The following USH2A variants were observed in gnomAD, a reference collection of about 807,000 sequenced individuals.
The protein encoded by USH2A is usherin.
In USH2A, 443 loss-of-function variants were observed where a neutral mutation model predicts 538.9. The ratio of observed to expected loss-of-function variants is 0.82; its 90% CI spans 0.76 to 0.89. The LOEUF is 0.89. Among genes scored for constraint, USH2A ranks in the 40% least tolerant of loss-of-function variants. The pLI is 0.00. For missense variants in USH2A, 6,633 were observed against 6,324.8 expected (o/e 1.05, Z -1.65); for synonymous variants, 2,413 against 2,273.5 (o/e 1.06, Z -1.75).
At chr1:216,282,223 A>G (rs1002508516) in intron 11 of USH2A, among the ~76,000 whole-genome samples, 4 of 152,086 alleles carry the variant, frequency 2.6e-5, no homozygotes, top group African/African-American at 9.7e-5. Context: ...TGAAATATTA[A>G]TTCTAATGAA....
chr1:216,367,426 T>C (rs543834499), intron 3 of USH2A, among the ~76,000 whole-genome samples: 1 of 152,300 alleles, frequency 6.6e-6, no homozygotes, highest in South Asian at 2.1e-4. Context: ...AATAAAAATG[T>C]TGTCTTTTAC....
chr1:216,294,752 C>T (rs557783218), intron 9 of USH2A, among the ~76,000 whole-genome samples: 15 of 151,950 alleles, frequency 9.9e-5, no homozygotes, highest in African/African-American at 3.6e-4. Context: ...TATATCTTCA[C>T]TATTTTGATT....
chr1:215,843,631 C>A (rs944318721), intron 46 of USH2A, among the ~76,000 whole-genome samples: 1 of 152,114 alleles, frequency 6.6e-6, no homozygotes, highest in Non-Finnish European at 1.5e-5. Flanking sequence ...TCAAAGAAGT[C>A]CAAGGGCAAA....
intron 3 of USH2A, among the ~76,000 whole-genome samples, chr1:216,406,397 C>T (rs2039394709): frequency 6.6e-6 from 1 of 152,022 alleles, no homozygotes; most frequent in Admixed American, 6.6e-5. Context: ...ATGTTTATGC[C>T]ACAGATTATG....
chr1:215,690,477 T>C (rs566438440), intron 61 of USH2A, among the ~76,000 whole-genome samples: 25 of 152,288 alleles, frequency 1.6e-4, no homozygotes, highest in African/African-American at 5.8e-4. Flanking sequence ...GTCCCAGCTA[T>C]TTGGAAGGCT....
chr1:216,375,968 A>G (rs990711221), intron 3 of USH2A, among the ~76,000 whole-genome samples: 5 of 152,130 alleles, frequency 3.3e-5, no homozygotes, highest in Non-Finnish European at 7.3e-5. Context: ...CACACACAAC[A>G]TTTATTGGTT....
At chr1:216,254,818 A>G (rs1300979774) in intron 11 of USH2A, among the ~76,000 whole-genome samples, 2 of 152,214 alleles carry the variant, frequency 1.3e-5, no homozygotes, top group Non-Finnish European at 2.9e-5. Context: ...AAGCCAGTGC[A>G]CACCAGCACT....
At chr1:215,924,502 G>T (rs982385372) in intron 38 of USH2A, among the ~76,000 whole-genome samples, 2 of 151,838 alleles carry the variant, frequency 1.3e-5, no homozygotes, top group African/African-American at 4.8e-5. Context: ...TGAGGAACAA[G>T]ATATTATTTT....
intron 40 of USH2A, 56 bp from the exon 41 acceptor site, chr1:215,889,110 C>T: frequency 1.3e-6 from 2 of 1,596,210 alleles, no homozygotes; most frequent in African/African-American, 1.3e-5. Context: ...CCCACCTCTC[C>T]TCAAAGCTAA....
chr1:216,139,591 A>G (rs1201757102), intron 21 of USH2A, among the ~76,000 whole-genome samples: 2 of 152,224 alleles, frequency 1.3e-5, no homozygotes, highest in African/African-American at 4.8e-5. Flanking sequence ...AGCCTGAATT[A>G]GAATAGACCA....
intron 3 of USH2A, among the ~76,000 whole-genome samples, chr1:216,368,054 A>G (rs1320379554): frequency 6.6e-6 from 1 of 152,174 alleles, no homozygotes; most frequent in Non-Finnish European, 1.5e-5. Flanking sequence ...CCTTCATAAG[A>G]GATCCGAAAA....
chr1:216,413,676 C>A (rs988964845), intron 3 of USH2A, among the ~76,000 whole-genome samples: 1 of 151,978 alleles, frequency 6.6e-6, no homozygotes, highest in Non-Finnish European at 1.5e-5. Flanking sequence ...CTTTTTCACA[C>A]TATTGTAGCT....
intron 43 of USH2A, among the ~76,000 whole-genome samples, chr1:215,869,119 T>C (rs778819676): frequency 6.6e-6 from 1 of 152,314 alleles, no homozygotes; most frequent in East Asian, 1.9e-4. Flanking sequence ...ACCCATTCAT[T>C]CCTCACAAAA....
chr1:215,747,879 T>C (rs1386735584), intron 58 of USH2A, among the ~76,000 whole-genome samples: 1 of 129,718 alleles, frequency 7.7e-6, no homozygotes, highest in Non-Finnish European at 1.7e-5. Context: ...TTTTTGTTTG[T>C]TTGTTTGTTT....
rs79344781 is a variant in USH2A, at chr1:216,238,348, C to T, written c.2810-6212G>A. On this transcript the variant is annotated intron_variant, in intron 13 of 71. Transcript: ENST00000307340. Reference sequence around the variant, plus strand: ...GCTCGGGATGCGTTGACATCCTTCCCTGCCTTCCTCGGCCTGGCCTCTGAT... The same window carrying T: ...GCTCGGGATGCGTTGACATCCTTCCTTGCCTTCCTCGGCCTGGCCTCTGAT... 8.3e-3 allele frequency among the ~76,000 whole-genome samples: 1,257 copies of T among 152,262 alleles called. 15 individuals carry two copies. Among genetic ancestry groups the T allele is most frequent in the African/African-American group, 0.029 (1,190 of 41,556 alleles).
chr1:215,738,062 G>T (rs1486767924), intron 60 of USH2A, among the ~76,000 whole-genome samples: 1 of 151,808 alleles, frequency 6.6e-6, no homozygotes, highest in Non-Finnish European at 1.5e-5. Flanking sequence ...CATGAAATTT[G>T]GTTTCTATTA....
At chr1:215,941,928 C>T (rs1161887196) in intron 37 of USH2A, among the ~76,000 whole-genome samples, 2 of 152,050 alleles carry the variant, frequency 1.3e-5, no homozygotes, top group African/African-American at 2.4e-5. Context: ...AGTTACCTAT[C>T]GATGTGTCAT....
At chr1:216,225,772 C>T (rs1180840909) in intron 14 of USH2A, among the ~76,000 whole-genome samples, 1 of 152,052 alleles carries the variant, frequency 6.6e-6, no homozygotes, top group Non-Finnish European at 1.5e-5. Context: ...CATGAGATGG[C>T]ATAAGACTTA....
chr1:215,921,773 CT>C (rs1666104714), intron 38 of USH2A, among the ~76,000 whole-genome samples: 1 of 152,036 alleles, frequency 6.6e-6, no homozygotes, highest in Non-Finnish European at 1.5e-5. Context: ...AATATTGTTT[CT>C]TCAACTTCCT....
Sources: allele counts gnomAD v4.1 joint callset (sites outside exome capture counted in the v4.1 genomes callset), GRCh38; gene constraint gnomAD v4.1.1; transcripts MANE v1.5; gene names NCBI Gene and HGNC (gene_info 2026-07-23, HGNC 2026-07-21).